The following TMEM131 variants were observed in gnomAD, a reference collection of about 807,000 sequenced individuals.
TMEM131 encodes the protein transmembrane protein 131.
A neutral mutation model predicts 211.6 loss-of-function variants in TMEM131; 66 were observed. That is an observed-to-expected ratio of 0.31 (90% CI 0.26 to 0.38). The LOEUF is 0.38. TMEM131 is among the 10% of genes least tolerant of loss of function. The pLI, the probability that TMEM131 is intolerant of heterozygous loss-of-function variation, is 1.00. For synonymous variants in TMEM131, 844 were observed against 841.3 expected, an observed-to-expected ratio of 1.00 and a Z score of -0.06; for missense variants, 2,036 against 2,299.3, an observed-to-expected ratio of 0.89 and a Z score of 2.34.
intron 32 of TMEM131, among the ~76,000 whole-genome samples, chr2:97,774,037 A>C (rs572756683): frequency 6.6e-6 from 1 of 152,358 alleles, no homozygotes; most frequent in African/African-American, 2.4e-5. Flanking sequence ...CAAGAGCTTT[A>C]AAATTTATGA....
At chr2:97,815,110 T>C in intron 13 of TMEM131, 89 bp downstream of exon 13, 1 of 628,908 alleles carries the variant, frequency 1.6e-6, no homozygotes, top group Admixed American at 3.9e-5. Flanking sequence ...TATGTGAACG[T>C]GGCTAGTATT....
At position 97,772,205 on chromosome 2, in the gene TMEM131, C is replaced by T; in HGVS notation, c.4448+92G>A. The T allele has an allele frequency of 1.3e-6, 2 of 1,516,868 alleles. 1 individual carries two copies. The allele number at this position is 1,516,868 out of a possible 1,614,324, so 94.0% of individuals were successfully genotyped here. A position where few individuals can be genotyped will look rare whatever the true frequency, so the allele number is the denominator to read the frequency against. ...GCTATCAACTCCCCTAAAAGCCAAC[C>T]AGCCAGCCAAATGGCCAAATCAAAA... On this transcript the variant is annotated intron_variant, in intron 33 of 40. Transcript: ENST00000186436.
chr2:97,855,836 A>G (rs1445409770), intron 5 of TMEM131, among the ~76,000 whole-genome samples: 2 of 152,238 alleles, frequency 1.3e-5, no homozygotes, highest in African/African-American at 4.8e-5. Context: ...ATTCCATACT[A>G]TTGCTACATC....
intron 1 of TMEM131, among the ~76,000 whole-genome samples, chr2:97,962,742 T>A (rs1678876150): frequency 6.6e-6 from 1 of 152,206 alleles, no homozygotes; most frequent in African/African-American, 2.4e-5. Context: ...TAAACCTTCA[T>A]AAAAGCTTTA....
intron 2 of TMEM131, among the ~76,000 whole-genome samples, chr2:97,918,080 A>T (rs1676587008): frequency 6.6e-6 from 1 of 151,820 alleles, no homozygotes; most frequent in Non-Finnish European, 1.5e-5. Context: ...AGTAGCTGGG[A>T]CTACAGGCGC....
intron 1 of TMEM131, among the ~76,000 whole-genome samples, chr2:97,944,087 A>AAAAT (rs1000296427): frequency 1.1e-4 from 17 of 152,182 alleles, no homozygotes; most frequent in African/African-American, 3.1e-4. Context: ...ACTAAAAATA[A>AAAAT]AAATAAATAA....
chr2:97,878,265 G>A (rs1169329780), intron 4 of TMEM131, among the ~76,000 whole-genome samples: 1 of 152,220 alleles, frequency 6.6e-6, no homozygotes, highest in Non-Finnish European at 1.5e-5. Context: ...AGGTAAATTA[G>A]TTCAACCATT....
intron 1 of TMEM131, among the ~76,000 whole-genome samples, chr2:97,992,209 G>C (rs937891001): frequency 6.6e-6 from 1 of 152,260 alleles, no homozygotes; most frequent in Admixed American, 6.5e-5. Context: ...AAAATAGTTT[G>C]GTTAAGAAAA....
At chr2:97,947,695 T>C (rs1401668000) in intron 1 of TMEM131, among the ~76,000 whole-genome samples, 1 of 152,118 alleles carries the variant, frequency 6.6e-6, no homozygotes, top group Admixed American at 6.5e-5. Context: ...TACAAGATGA[T>C]TCTAAAAGTT....
chr2:97,767,076 A>C (rs934602899), intron 33 of TMEM131, among the ~76,000 whole-genome samples: 1 of 152,062 alleles, frequency 6.6e-6, no homozygotes, highest in African/African-American at 2.4e-5. Flanking sequence ...AAACTGAACA[A>C]ATTTTTCTCA....
chr2:97,814,187 T>C (rs1681705802), intron 14 of TMEM131, 46 bp from the exon 15 acceptor site: 1 of 1,611,490 alleles, frequency 6.2e-7, no homozygotes, highest in Admixed American at 1.7e-5. Context: ...CAGCATCACC[T>C]AGTTGGTAGA....
intron 4 of TMEM131, among the ~76,000 whole-genome samples, chr2:97,887,434 T>C (rs577843848): frequency 6.6e-6 from 1 of 152,268 alleles, no homozygotes; most frequent in African/African-American, 2.4e-5. Flanking sequence ...AGGAAATATC[T>C]TGGGGGTGCA....
At chr2:97,795,177 T>C in intron 28 of TMEM131, 62 bp from the exon 29 acceptor site, 1 of 1,229,594 alleles carries the variant, frequency 8.1e-7, no homozygotes, top group South Asian at 1.4e-5. Flanking sequence ...AGTCTGCATA[T>C]AATACTGGTC....
At chr2:97,963,835 T>C (rs1355803356) in intron 1 of TMEM131, among the ~76,000 whole-genome samples, 2 of 152,254 alleles carry the variant, frequency 1.3e-5, no homozygotes, top group Non-Finnish European at 2.9e-5. Flanking sequence ...ATGTTTATAC[T>C]ACATCACATA....
intron 5 of TMEM131, among the ~76,000 whole-genome samples, chr2:97,853,832 T>G (rs1287646990): frequency 2.0e-5 from 3 of 152,108 alleles, no homozygotes; most frequent in African/African-American, 7.2e-5. Flanking sequence ...ATGATAAAAC[T>G]TGAACGGAAG....
At chr2:97,828,782 A>C (rs1682517480) in intron 11 of TMEM131, among the ~76,000 whole-genome samples, 1 of 152,230 alleles carries the variant, frequency 6.6e-6, no homozygotes, top group African/African-American at 2.4e-5. Flanking sequence ...AACGCCTTTC[A>C]AACTCTTTCA....
intron 19 of TMEM131, among the ~76,000 whole-genome samples, chr2:97,808,918 C>T (rs1172173401): frequency 6.6e-6 from 1 of 152,088 alleles, no homozygotes; most frequent in Non-Finnish European, 1.5e-5. Context: ...GAAGGGCATT[C>T]GAGGCAAAGA....
intron 5 of TMEM131, among the ~76,000 whole-genome samples, chr2:97,850,299 G>A (rs185117141): frequency 1.3e-5 from 2 of 152,142 alleles, no homozygotes; most frequent in East Asian, 1.9e-4. Context: ...CCACAGAAAG[G>A]GGCAGTGAAG....
chr2:97,796,163 G>A, intron 28 of TMEM131, 55 bp downstream of exon 28: 1 of 1,052,920 alleles, frequency 9.5e-7, no homozygotes, highest in African/African-American at 1.7e-5. Context: ...ACATATCTTT[G>A]CACAGAGTTT....
Sources: gnomAD v4.1 joint callset for allele counts (sites outside exome capture counted in the v4.1 genomes callset) on GRCh38, gnomAD v4.1.1 for gene constraint, MANE v1.5 for transcripts, NCBI Gene and HGNC (gene_info 2026-07-23, HGNC 2026-07-21) for gene names.